GPR176: variants seen among roughly 807,000 people sequenced by gnomAD.
GPR176 encodes the protein G protein-coupled receptor 176, also known as G-protein coupled receptor 176.
In GPR176, 26 loss-of-function variants were observed where a neutral mutation model predicts 35.4. The observed-to-expected ratio is 0.74, with a 90% confidence interval of 0.54 to 1.02. The LOEUF is 1.02. Among genes scored for constraint, GPR176 ranks in the 50% least tolerant of loss-of-function variants. The pLI, the probability that GPR176 is intolerant of heterozygous loss-of-function variation, is 0.00. For synonymous variants in GPR176, 278 were observed against 271.3 expected, an observed-to-expected ratio of 1.02 and a Z score of -0.24; for missense variants, 597 against 665.3, an observed-to-expected ratio of 0.90 and a Z score of 1.13.
chr15:39,858,893 C>T (rs892142336), intron 1 of GPR176, among the ~76,000 whole-genome samples: 2 of 152,066 alleles, frequency 1.3e-5, no homozygotes, highest in Non-Finnish European at 2.9e-5. Flanking sequence ...ATTACAGGTA[C>T]ATGCCACCAT....
At chr15:39,809,472 T>C (rs1899400615) in intron 1 of GPR176, among the ~76,000 whole-genome samples, 1 of 152,182 alleles carries the variant, frequency 6.6e-6, no homozygotes, top group African/African-American at 2.4e-5. Context: ...TCATTAGCAC[T>C]TCAGATTCTC....
intron 1 of GPR176, among the ~76,000 whole-genome samples, chr15:39,897,225 G>A (rs2033139674): frequency 1.3e-5 from 2 of 152,156 alleles, no homozygotes; most frequent in African/African-American, 4.8e-5. Context: ...TAATGAAGCT[G>A]GCAATTCTGA....
At chr15:39,889,233 T>C (rs1236918434) in intron 1 of GPR176, among the ~76,000 whole-genome samples, 3 of 152,120 alleles carry the variant, frequency 2.0e-5, no homozygotes, top group African/African-American at 4.8e-5. Context: ...AATAGGCCCA[T>C]GCTATTTCCT....
At chr15:39,896,312 C>A (rs1369068441) in intron 1 of GPR176, among the ~76,000 whole-genome samples, 3 of 152,172 alleles carry the variant, frequency 2.0e-5, no homozygotes, top group African/African-American at 7.2e-5. Flanking sequence ...AAATTCCTGG[C>A]CTCAAGCCAT....
chr15:39,914,008 C>T lies in GPR176; in HGVS notation c.172+5847G>A, dbSNP rs190598104. ...TCGCAGTGAGCTGAGATAGCGCCAC[C>T]GCACTCCAGCCTGGACAACAGAGTG... is the stretch of plus-strand genomic sequence containing the variant. On this transcript the variant is annotated intron_variant, in intron 1 of 2. Coordinates refer to ENST00000561100, the MANE Select transcript of GPR176 (RefSeq NM_007223.3). 1.9e-3 allele frequency among the ~76,000 whole-genome samples: 295 copies of T among 151,966 alleles called. 2 individuals carry two copies. Among genetic ancestry groups the T allele is most frequent in the South Asian group, 5.6e-3 (27 of 4,812 alleles).
At chr15:39,912,046 G>A (rs151051749) in intron 1 of GPR176, among the ~76,000 whole-genome samples, 163 of 152,296 alleles carry the variant, frequency 1.1e-3, no homozygotes, top group African/African-American at 3.9e-3. Flanking sequence ...TTGGAAGAGA[G>A]GGGACAAGTC....
chr15:39,805,409 T>C (rs1201209776), intron 2 of GPR176, among the ~76,000 whole-genome samples: 1 of 151,904 alleles, frequency 6.6e-6, no homozygotes, highest in South Asian at 2.1e-4. Context: ...ATAATACTTT[T>C]TGAAAAAAAA....
intron 1 of GPR176, among the ~76,000 whole-genome samples, chr15:39,897,981 CT>C (rs567120448): frequency 9.8e-5 from 15 of 152,324 alleles, no homozygotes; most frequent in Non-Finnish European, 1.5e-4. Flanking sequence ...CTATCTGTCA[CT>C]GCTCCCAAGG....
At position 39,802,053 on chromosome 15, in the gene GPR176, A is replaced by ATACACCAGAACG; in HGVS notation, c.615_626dup (p.Val206_Tyr209dup). 6.2e-7 allele frequency: 1 copy of ATACACCAGAACG among 1,614,024 alleles called. No homozygotes were observed. Among genetic ancestry groups the ATACACCAGAACG allele is most frequent in the South Asian group, 1.1e-5 (1 of 91,074 alleles). On this transcript the variant is annotated inframe_insertion, in exon 3 of 3. Transcript: ENST00000561100. ...CAGGCACAATGACCGTGGTGATGTTATACACCAGAACGTACACCAGGTGGC... is the reference window on the plus strand; with the variant it reads ...CAGGCACAATGACCGTGGTGATGTTATACACCAGAACGTACACCAGAACGTACACCAGGTGGC...
At chr15:39,818,897 T>C (rs1455090400) in intron 1 of GPR176, among the ~76,000 whole-genome samples, 1 of 152,202 alleles carries the variant, frequency 6.6e-6, no homozygotes, top group Admixed American at 6.5e-5. Flanking sequence ...ACTGGAAAAC[T>C]TTCACGGCTT....
intron 1 of GPR176, among the ~76,000 whole-genome samples, chr15:39,884,299 C>CA (rs2032589582): frequency 6.6e-6 from 1 of 152,116 alleles, no homozygotes; most frequent in African/African-American, 2.4e-5. Context: ...TTGTAATTTC[C>CA]AAAAAATAAG....
intron 1 of GPR176, among the ~76,000 whole-genome samples, chr15:39,843,419 G>T (rs920164627): frequency 6.6e-6 from 1 of 152,064 alleles, no homozygotes; most frequent in African/African-American, 2.4e-5. Flanking sequence ...CATACACCAA[G>T]ACAATGAAAA....
At chr15:39,909,874 G>A in intron 1 of GPR176, 1 of 971,628 alleles carries the variant, frequency 1.0e-6, no homozygotes, top group Non-Finnish European at 1.2e-6. Flanking sequence ...TTAATTACCT[G>A]TTGTATATTT....
chr15:39,887,454 G>C (rs2140855167), intron 1 of GPR176, among the ~76,000 whole-genome samples: 1 of 152,286 alleles, frequency 6.6e-6, no homozygotes, highest in Admixed American at 6.5e-5. Context: ...GTGTAAAACA[G>C]CAGCATCATT....
chr15:39,843,655 C>T (rs558360632), intron 1 of GPR176, among the ~76,000 whole-genome samples: 1 of 152,262 alleles, frequency 6.6e-6, no homozygotes, highest in African/African-American at 2.4e-5. Context: ...GCTAAGATGT[C>T]ATCTGGGTTT....
At chr15:39,915,808 A>G (rs554376999) in intron 1 of GPR176, among the ~76,000 whole-genome samples, 2 of 152,312 alleles carry the variant, frequency 1.3e-5, no homozygotes, top group South Asian at 4.1e-4. Flanking sequence ...TGAACCCAGG[A>G]GGCAGAGGTT....
At chr15:39,830,512 A>C (rs987883064) in intron 1 of GPR176, among the ~76,000 whole-genome samples, 3 of 152,182 alleles carry the variant, frequency 2.0e-5, no homozygotes, top group Non-Finnish European at 4.4e-5. Context: ...TGGAAGAGGG[A>C]GCACCCTGGG....
chr15:39,901,068 C>A (rs2033262861), intron 1 of GPR176, among the ~76,000 whole-genome samples: 1 of 151,890 alleles, frequency 6.6e-6, no homozygotes, highest in Non-Finnish European at 1.5e-5. Context: ...AATAGAACTC[C>A]CCTCCTGCCT....
intron 1 of GPR176, among the ~76,000 whole-genome samples, chr15:39,882,744 G>A (rs1428318905): frequency 1.3e-5 from 2 of 152,234 alleles, no homozygotes; most frequent in Non-Finnish European, 2.9e-5. Flanking sequence ...TCAGATCTGA[G>A]TATATGTTTT....
Sources: gnomAD v4.1 joint callset for allele counts (sites outside exome capture counted in the v4.1 genomes callset) on GRCh38, gnomAD v4.1.1 for gene constraint, MANE v1.5 for transcripts, NCBI Gene and HGNC (gene_info 2026-07-23, HGNC 2026-07-21) for gene names.